Variants in FBXL7 observed in about 807,000 individuals in gnomAD.
FBXL7 encodes the protein F-box/LRR-repeat protein 7.
Under a neutral mutation model 38.3 loss-of-function variants are expected in FBXL7, and 12 were observed. The observed-to-expected ratio is 0.31, with a 90% CI of 0.20 to 0.51. FBXL7 has a LOEUF of 0.51. FBXL7 is among the 20% of genes least tolerant of loss of function. FBXL7 has a pLI of 0.98. For missense variants in FBXL7, 567 were observed against 676.4 expected, an observed-to-expected ratio of 0.84 and a Z score of 1.79; for synonymous variants, 297 against 300.9, an observed-to-expected ratio of 0.99 and a Z score of 0.13.
chr5:15,927,634 C>T (rs1481480754), intron 2 of FBXL7, among the ~76,000 whole-genome samples: 3 of 151,648 alleles, frequency 2.0e-5, no homozygotes, highest in Non-Finnish European at 4.4e-5. Context: ...ACTTAGCCGG[C>T]CGTGGTGGCG....
At chr5:15,913,608 A>T (rs1311435021) in intron 2 of FBXL7, among the ~76,000 whole-genome samples, 2 of 152,208 alleles carry the variant, frequency 1.3e-5, no homozygotes, top group East Asian at 3.8e-4. Context: ...TATGCCATCT[A>T]TTGTAAAGAT....
chr5:15,745,623 A>G (rs1312042529), intron 2 of FBXL7, among the ~76,000 whole-genome samples: 1 of 152,204 alleles, frequency 6.6e-6, no homozygotes, highest in Non-Finnish European at 1.5e-5. Context: ...GCATATGTCT[A>G]GGAAAAAAAC....
chr5:15,805,582 C>T (rs563803976), intron 2 of FBXL7, among the ~76,000 whole-genome samples: 2 of 152,138 alleles, frequency 1.3e-5, no homozygotes, highest in Non-Finnish European at 1.5e-5. Flanking sequence ...TTTGAAAAAA[C>T]CTATTTTAGA....
At chr5:15,504,428 C>T (rs974380383) in intron 1 of FBXL7, among the ~76,000 whole-genome samples, 3 of 152,154 alleles carry the variant, frequency 2.0e-5, no homozygotes, top group African/African-American at 7.2e-5. Flanking sequence ...TCACGAACTC[C>T]CGCCTCCTCT....
chr5:15,661,287 T>C (rs924838087), intron 2 of FBXL7, among the ~76,000 whole-genome samples: 1 of 152,214 alleles, frequency 6.6e-6, no homozygotes, highest in African/African-American at 2.4e-5. Context: ...TTATTAGTTC[T>C]AATAGGTTTT....
chr5:15,524,333 G>A (rs775351158), intron 1 of FBXL7, among the ~76,000 whole-genome samples: 4 of 152,268 alleles, frequency 2.6e-5, no homozygotes, highest in African/African-American at 4.8e-5. Flanking sequence ...TCGTCCGTTT[G>A]TGTGAGTAAA....
intron 2 of FBXL7, among the ~76,000 whole-genome samples, chr5:15,625,429 G>T (rs112375756): frequency 6.6e-6 from 1 of 152,092 alleles, no homozygotes. Context: ...CGAGGTGGCC[G>T]ATCACATGAG....
At chr5:15,785,721 C>T (rs542638780) in intron 2 of FBXL7, among the ~76,000 whole-genome samples, 1 of 152,326 alleles carries the variant, frequency 6.6e-6, no homozygotes, top group South Asian at 2.1e-4. Flanking sequence ...CAGCTGGTTG[C>T]ATGAACGTAT....
At chr5:15,608,921 A>G (rs1198581136) in intron 1 of FBXL7, among the ~76,000 whole-genome samples, 4 of 152,172 alleles carry the variant, frequency 2.6e-5, no homozygotes, top group Admixed American at 6.5e-5. Flanking sequence ...TATGATACCC[A>G]TTTACAGAAG....
chr5:15,677,776 C>T (rs1401894419), intron 2 of FBXL7, among the ~76,000 whole-genome samples: 1 of 152,094 alleles, frequency 6.6e-6, no homozygotes, highest in East Asian at 1.9e-4. Flanking sequence ...AACCACCACC[C>T]TAGTCAGCCA....
At chr5:15,769,177 G>A (rs1157525984) in intron 2 of FBXL7, among the ~76,000 whole-genome samples, 1 of 152,180 alleles carries the variant, frequency 6.6e-6, no homozygotes, top group Non-Finnish European at 1.5e-5. Context: ...TCCTTCTGGG[G>A]GAGTGCGAGA....
At chr5:15,717,758 A>G (rs1477424755) in intron 2 of FBXL7, among the ~76,000 whole-genome samples, 1 of 152,178 alleles carries the variant, frequency 6.6e-6, no homozygotes, top group Non-Finnish European at 1.5e-5. Flanking sequence ...AGATGGGGGA[A>G]CTTTATACAA....
intron 2 of FBXL7, among the ~76,000 whole-genome samples, chr5:15,864,753 G>C (rs538002159): frequency 5.3e-5 from 8 of 152,312 alleles, no homozygotes; most frequent in Admixed American, 5.2e-4. Context: ...CATGGTTTAC[G>C]TTGCAGTAGA....
At chr5:15,886,177 T>C (rs1204017695) in intron 2 of FBXL7, among the ~76,000 whole-genome samples, 1 of 152,168 alleles carries the variant, frequency 6.6e-6, no homozygotes, top group Non-Finnish European at 1.5e-5. Context: ...CCTGTTTCTG[T>C]TTCTACAAAG....
At chr5:15,717,785 T>C (rs1744083385) in intron 2 of FBXL7, among the ~76,000 whole-genome samples, 1 of 152,196 alleles carries the variant, frequency 6.6e-6, no homozygotes, top group Middle Eastern at 3.4e-3. Context: ...TGCCCTGAGC[T>C]CTTAAAAAAT....
chr5:15,616,444 G>A (rs966138724), intron 2 of FBXL7, among the ~76,000 whole-genome samples: 1 of 152,136 alleles, frequency 6.6e-6, no homozygotes, highest in Non-Finnish European at 1.5e-5. Context: ...TTTCAAAATA[G>A]GCACACCTGG....
intron 2 of FBXL7, among the ~76,000 whole-genome samples, chr5:15,776,049 G>T (rs1736849946): frequency 6.6e-6 from 1 of 151,746 alleles, no homozygotes; most frequent in African/African-American, 2.4e-5. Flanking sequence ...ATGCAAAATG[G>T]GAACCAAAGT....
At chr5:15,801,245 A>C (rs1737556180) in intron 2 of FBXL7, among the ~76,000 whole-genome samples, 1 of 152,210 alleles carries the variant, frequency 6.6e-6, no homozygotes, top group Non-Finnish European at 1.5e-5. Context: ...AGGCTGGCCA[A>C]GCTGACACAT....
chr5:15,766,181 C>G (rs749181641), intron 2 of FBXL7, among the ~76,000 whole-genome samples: 43 of 152,296 alleles, frequency 2.8e-4, no homozygotes, highest in Admixed American at 3.3e-4. Flanking sequence ...TCCCATTCCC[C>G]AAATACGGAA....
Sources: allele counts gnomAD v4.1 joint callset (sites outside exome capture counted in the v4.1 genomes callset), GRCh38; gene constraint gnomAD v4.1.1; transcripts MANE v1.5; gene names NCBI Gene and HGNC (gene_info 2026-07-23, HGNC 2026-07-21).